Variants in SLC35D4 observed in about 807,000 individuals in gnomAD.
SLC35D4 encodes solute carrier family 35 member D4, also known as UDP-N-acetylglucosamine transporter SLC35D4.
At chr18:23,273,618 G>A in the SLC35D4 span, among the ~76,000 whole-genome samples, 1 of 152,166 alleles carries the variant, frequency 6.6e-6, no homozygotes, top group Non-Finnish European at 1.5e-5. Flanking sequence ...CTGAATGAAT[G>A]AATGAATGAA....
chr18:23,266,406 C>CAAA, the SLC35D4 span, among the ~76,000 whole-genome samples: 30 of 103,730 alleles, frequency 2.9e-4, no homozygotes, highest in African/African-American at 8.3e-4. Flanking sequence ...TAATTCTTAG[C>CAAA]AAAAAAAAAA....
chr18:23,423,598 C>T, the SLC35D4 span, among the ~76,000 whole-genome samples: 2 of 152,074 alleles, frequency 1.3e-5, no homozygotes, highest in African/African-American at 2.4e-5. Context: ...AAACCCCGGT[C>T]TAGTGAAAGT....
chr18:23,415,036 T>C, the SLC35D4 span, among the ~76,000 whole-genome samples: 1 of 152,098 alleles, frequency 6.6e-6, no homozygotes, highest in South Asian at 2.1e-4. Flanking sequence ...CTCTTAAACC[T>C]AGGAGTTGCA....
At chr18:23,338,455 C>G in the SLC35D4 span, among the ~76,000 whole-genome samples, 112,125 of 152,072 alleles carry the variant, frequency 0.74, 41,869 homozygotes, top group Middle Eastern at 0.86. Flanking sequence ...ATCTAGGGCT[C>G]TCTACATATT....
chr18:23,406,656 T>C, the SLC35D4 span, among the ~76,000 whole-genome samples: 1 of 152,226 alleles, frequency 6.6e-6, no homozygotes, highest in Non-Finnish European at 1.5e-5. Flanking sequence ...TAACTTTATT[T>C]CCACATTCAG....
At chr18:23,382,667 G>A in the SLC35D4 span, among the ~76,000 whole-genome samples, 1 of 152,142 alleles carries the variant, frequency 6.6e-6, no homozygotes, top group Non-Finnish European at 1.5e-5. Flanking sequence ...TAGAACTGAC[G>A]GACTATGGAA....
chr18:23,305,745 C>T, the SLC35D4 span, among the ~76,000 whole-genome samples: 2 of 152,108 alleles, frequency 1.3e-5, no homozygotes, highest in East Asian at 3.8e-4. Context: ...GTTGGAAATC[C>T]CATTTTCTGA....
At chr18:23,377,294 A>G in the SLC35D4 span, among the ~76,000 whole-genome samples, 1 of 152,230 alleles carries the variant, frequency 6.6e-6, no homozygotes, top group African/African-American at 2.4e-5. Context: ...CACGGAAAAT[A>G]TTAAAGACTA....
the SLC35D4 span, among the ~76,000 whole-genome samples, chr18:23,272,295 C>T: frequency 6.6e-6 from 1 of 152,054 alleles, no homozygotes; most frequent in Non-Finnish European, 1.5e-5. Flanking sequence ...ATGGAAGCCA[C>T]CTATTCCTTG....
At chr18:23,344,189 T>G in the SLC35D4 span, among the ~76,000 whole-genome samples, 3 of 152,210 alleles carry the variant, frequency 2.0e-5, no homozygotes, top group African/African-American at 4.8e-5. Flanking sequence ...GCCAATCTCA[T>G]TCTTTTTTAT....
At chr18:23,246,807 C>T in the SLC35D4 span, among the ~76,000 whole-genome samples, 1 of 151,706 alleles carries the variant, frequency 6.6e-6, no homozygotes, top group African/African-American at 2.4e-5. Flanking sequence ...TTCTTCCTGC[C>T]TTAGCCTCCC....
the SLC35D4 span, among the ~76,000 whole-genome samples, chr18:23,347,759 A>T: frequency 6.6e-6 from 1 of 152,176 alleles, no homozygotes; most frequent in East Asian, 1.9e-4. Flanking sequence ...GTCTAGCCAG[A>T]GGTTTGTCAA....
At chr18:23,361,111 AAAAAAAAAAAAAAAG>A in the SLC35D4 span, among the ~76,000 whole-genome samples, 1 of 150,392 alleles carries the variant, frequency 6.6e-6, no homozygotes, top group Non-Finnish European at 1.5e-5. Context: ...CTCAAAAAAA[AAAAAAAAAAAAAAAG>A]AAAAAGAAAA....
At chr18:23,276,323 C>T in the SLC35D4 span, among the ~76,000 whole-genome samples, 21 of 151,962 alleles carry the variant, frequency 1.4e-4, no homozygotes, top group Non-Finnish European at 2.9e-4. Flanking sequence ...CTTCTGACCT[C>T]GTGATCCACC....
chr18:23,415,015 G>C, the SLC35D4 span, among the ~76,000 whole-genome samples: 2 of 152,148 alleles, frequency 1.3e-5, no homozygotes, highest in Non-Finnish European at 2.9e-5. Context: ...AGGAGGCTGA[G>C]GCAGGAGGAT....
At chr18:23,338,321 A>G in the SLC35D4 span, among the ~76,000 whole-genome samples, 1 of 152,210 alleles carries the variant, frequency 6.6e-6, no homozygotes, top group African/African-American at 2.4e-5. Context: ...TAAATTCACT[A>G]CCTAGAACTA....
the SLC35D4 span, among the ~76,000 whole-genome samples, chr18:23,254,546 T>A: frequency 6.6e-6 from 1 of 152,202 alleles, no homozygotes; most frequent in Non-Finnish European, 1.5e-5. Context: ...AGAGGAGTAG[T>A]ATCTTGGCTG....
the SLC35D4 span, among the ~76,000 whole-genome samples, chr18:23,299,109 A>G: frequency 3.3e-5 from 5 of 152,174 alleles, no homozygotes; most frequent in African/African-American, 1.2e-4. Flanking sequence ...TAAAAACCAT[A>G]TGTTTTAGAA....
chr18:23,275,661 G>GCTGTGCTGTGCTGTGCTGTGCTGTGC, the SLC35D4 span, among the ~76,000 whole-genome samples: 1 of 149,992 alleles, frequency 6.7e-6, no homozygotes, highest in Non-Finnish European at 1.5e-5. Context: ...GCTGTGCTTT[G>GCTGTGCTGTGCTGTGCTGTGCTGTGC]TTTGGGGACT....
Sources: gnomAD v4.1 joint callset for allele counts (sites outside exome capture counted in the v4.1 genomes callset) on GRCh38, gnomAD v4.1.1 for gene constraint, MANE v1.5 for transcripts, NCBI Gene and HGNC (gene_info 2026-07-23, HGNC 2026-07-21) for gene names.